OR3A2: variants seen among roughly 807,000 people sequenced by gnomAD.
The protein encoded by OR3A2 is olfactory receptor 3A2.
For synonymous variants in OR3A2, 126 were observed against 159.3 expected (o/e 0.79, Z 1.57); for missense variants, 318 against 392.8 (o/e 0.81, Z 1.61).
At chr17:3,336,574 C>G (rs1209151980) in intron 2 of OR3A2, among the ~76,000 whole-genome samples, 1 of 152,090 alleles carries the variant, frequency 6.6e-6, no homozygotes, top group Non-Finnish European at 1.5e-5. Flanking sequence ...GGTAGCCAAC[C>G]AAGAGAGATG....
At chr17:3,378,452 G>A (rs777528613) in intron 2 of OR3A2, among the ~76,000 whole-genome samples, 4 of 152,190 alleles carry the variant, frequency 2.6e-5, no homozygotes, top group Admixed American at 6.5e-5. Context: ...TTTCAAGCCC[G>A]TGGGGGCAGG....
intron 2 of OR3A2, among the ~76,000 whole-genome samples, chr17:3,362,611 C>T (rs231431): frequency 0.69 from 104,808 of 151,408 alleles, 38,075 homozygotes; most frequent in East Asian, 1. Flanking sequence ...GATTCTGGTA[C>T]GTTGTGTCTT....
At chr17:3,323,952 T>G (rs559880755) in intron 3 of OR3A2, among the ~76,000 whole-genome samples, 85 of 152,116 alleles carry the variant, frequency 5.6e-4, no homozygotes, top group Non-Finnish European at 1.0e-3. Flanking sequence ...CTGCACAGTG[T>G]TTTCCAACTT....
At chr17:3,285,566 C>T (rs565336097), upstream of OR3A2, among the ~76,000 whole-genome samples, 2 of 152,214 alleles carry the variant, frequency 1.3e-5, no homozygotes, top group East Asian at 1.9e-4. Flanking sequence ...AGGCGGGGAT[C>T]GCTTGAGCCC....
intron 2 of OR3A2, among the ~76,000 whole-genome samples, chr17:3,371,744 G>A (rs1166121172): frequency 8.6e-5 from 12 of 138,828 alleles, no homozygotes; most frequent in South Asian, 2.3e-4. Flanking sequence ...CCGGGCAGAG[G>A]GACTCCTCAC....
intron 2 of OR3A2, among the ~76,000 whole-genome samples, chr17:3,355,397 T>C (rs538238071): frequency 1.3e-5 from 2 of 150,870 alleles, no homozygotes; most frequent in African/African-American, 4.9e-5. Flanking sequence ...AAGTGGGGTA[T>C]TGAAGTCTCC....
At chr17:3,332,206 A>C (rs1040524335) in intron 3 of OR3A2, among the ~76,000 whole-genome samples, 2 of 152,246 alleles carry the variant, frequency 1.3e-5, no homozygotes, top group African/African-American at 4.8e-5. Flanking sequence ...CTACAGAGGC[A>C]GGCAGGCCTC....
At position 3,357,897 on chromosome 17, in the gene OR3A2, A is replaced by C. The variant is rs371820843; in HGVS notation, c.-178-21771T>G. Among the ~76,000 whole-genome samples the C allele has an allele frequency of 1.4e-3, 218 of 151,614 alleles. 5 individuals are homozygous for C. In the South Asian group the frequency reaches 0.044, roughly 31 times the overall value. ...TTATGTATGTTTTACCACAAAAACA[A>C]TTTTTTGATAAAAGCATCAGAAACC... is the stretch of plus-strand genomic sequence containing the variant. On this transcript the variant is annotated intron_variant, in intron 2 of 4. Coordinates refer to the OR3A2 transcript ENST00000573491.
intron 2 of OR3A2, among the ~76,000 whole-genome samples, chr17:3,371,848 C>T (rs1432166656): frequency 6.4e-5 from 9 of 140,502 alleles, no homozygotes; most frequent in African/African-American, 1.1e-4. Context: ...ACCTCCCGCC[C>T]GGACGGGGCG....
chr17:3,386,302 G>A (rs1168985854), upstream of OR3A2: 3 of 398,396 alleles, frequency 7.5e-6, no homozygotes, highest in East Asian at 3.6e-5. Flanking sequence ...CCGCCCGACG[G>A]CGGCGTGCCG....
intron 3 of OR3A2, among the ~76,000 whole-genome samples, chr17:3,294,571 C>T (rs922742997): frequency 1.3e-5 from 2 of 152,106 alleles, no homozygotes; most frequent in African/African-American, 4.8e-5. Flanking sequence ...CTTTACAATT[C>T]AAAAGTGTAC....
intron 2 of OR3A2, among the ~76,000 whole-genome samples, chr17:3,357,536 G>C (rs562403328): frequency 6.6e-6 from 1 of 151,678 alleles, no homozygotes; most frequent in East Asian, 1.9e-4. Flanking sequence ...AGGTAGAATG[G>C]TGGTTGCCAG....
intron 3 of OR3A2, among the ~76,000 whole-genome samples, chr17:3,312,143 C>T (rs1441480389): frequency 6.6e-6 from 1 of 152,006 alleles, no homozygotes; most frequent in African/African-American, 2.4e-5. Flanking sequence ...GTTACTGATA[C>T]AAAGTGAATT....
intron 2 of OR3A2, among the ~76,000 whole-genome samples, chr17:3,383,278 A>G (rs1349137884): frequency 6.6e-6 from 1 of 152,194 alleles, no homozygotes; most frequent in Non-Finnish European, 1.5e-5. Flanking sequence ...TTAAACAACT[A>G]CAGTCCTCCA....
chr17:3,338,365 C>T (rs1248069543), intron 2 of OR3A2, among the ~76,000 whole-genome samples: 1 of 152,068 alleles, frequency 6.6e-6, no homozygotes, highest in South Asian at 2.1e-4. Context: ...ATCTTGAATG[C>T]TATTGCCTAG....
chr17:3,323,380 G>A (rs1486411685), intron 3 of OR3A2, among the ~76,000 whole-genome samples: 3 of 152,058 alleles, frequency 2.0e-5, no homozygotes, highest in African/African-American at 4.8e-5. Context: ...ATCGTTACGT[G>A]TGAATTTGAT....
chr17:3,364,184 G>T (rs1451441049), intron 2 of OR3A2, among the ~76,000 whole-genome samples: 1 of 152,234 alleles, frequency 6.6e-6, no homozygotes, highest in Non-Finnish European at 1.5e-5. Flanking sequence ...AGAGGAAGCA[G>T]ATAGCCTAAC....
chr17:3,349,909 G>A (rs900733828), intron 2 of OR3A2, among the ~76,000 whole-genome samples: 2 of 151,982 alleles, frequency 1.3e-5, no homozygotes, highest in Admixed American at 6.6e-5. Flanking sequence ...TATGGAAACT[G>A]AACAACCTGC....
At chr17:3,330,851 C>T (rs1416306847) in intron 3 of OR3A2, among the ~76,000 whole-genome samples, 3 of 151,648 alleles carry the variant, frequency 2.0e-5, no homozygotes, top group Admixed American at 6.6e-5. Flanking sequence ...CAGCTGGTAC[C>T]GGTTGTTCCT....
Sources: allele counts gnomAD v4.1 joint callset (sites outside exome capture counted in the v4.1 genomes callset), GRCh38; gene constraint gnomAD v4.1.1; transcripts MANE v1.5; gene names NCBI Gene and HGNC (gene_info 2026-07-23, HGNC 2026-07-21).